Variants in BTBD8 observed in about 807,000 individuals in gnomAD.
BTBD8 encodes BTB/POZ domain-containing protein 8.
BTBD8 carries 110 observed loss-of-function variants against 162.9 expected under a neutral mutation model. That is an observed-to-expected ratio of 0.68 (90% confidence interval 0.58 to 0.79). BTBD8 has a LOEUF of 0.79. Among genes scored for constraint, BTBD8 ranks in the 30% least tolerant of loss-of-function variants. The probability of loss-of-function intolerance (pLI) is 0.00; values close to 1 mark genes in which losing one functional copy is unlikely to be tolerated. For synonymous variants in BTBD8, 667 were observed against 716.1 expected, an observed-to-expected ratio of 0.93 and a Z score of 1.10; for missense variants, 1,905 against 2,085.4, an observed-to-expected ratio of 0.91 and a Z score of 1.68.
intron 13 of BTBD8, among the ~76,000 whole-genome samples, chr1:92,172,786 T>G (rs1650586910): frequency 6.6e-6 from 1 of 152,198 alleles, no homozygotes; most frequent in Admixed American, 6.5e-5. Context: ...GAGGTCAAGC[T>G]CCAAATGTCT....
chr1:92,126,102 GA>G (rs1649351848), intron 4 of BTBD8: 1 of 488,360 alleles, frequency 2.0e-6, no homozygotes, highest in Non-Finnish European at 4.1e-6. Context: ...AGAGTCTCTG[GA>G]TAAGTGAAAG....
chr1:92,116,833 T>A (rs2101915385), intron 4 of BTBD8, among the ~76,000 whole-genome samples: 1 of 151,862 alleles, frequency 6.6e-6, no homozygotes, highest in African/African-American at 2.4e-5. Context: ...TATTAATATG[T>A]TTGAGTGTAA....
At chr1:92,136,893 C>CT (rs1341768823) in intron 5 of BTBD8, among the ~76,000 whole-genome samples, 3 of 152,196 alleles carry the variant, frequency 2.0e-5, no homozygotes, top group Non-Finnish European at 4.4e-5. Context: ...AGCTCAGGGA[C>CT]TGGCTCATAA....
chr1:92,110,270 A>G lies in BTBD8; in HGVS notation c.662+2269A>G, dbSNP rs548593999. On this transcript the variant is annotated intron_variant, in intron 4 of 17. Transcript: ENST00000636805. ...TAAGAGTGTGTGGACTGTGGGGACA[A>G]TCTGCATGCGTTTTAATTCCATGTC... is the stretch of plus-strand genomic sequence containing the variant. Among the ~76,000 whole-genome samples the G allele has an allele frequency of 3.9e-5, 6 of 152,288 alleles. No homozygotes were observed. In the South Asian group the frequency reaches 1.2e-3, roughly 32 times the overall value.
intron 9 of BTBD8, among the ~76,000 whole-genome samples, chr1:92,157,645 G>A (rs1304194950): frequency 6.6e-6 from 1 of 151,796 alleles, no homozygotes; most frequent in Non-Finnish European, 1.5e-5. Context: ...CTACAGGCAT[G>A]TGCCATCATC....
chr1:92,099,673 A>G (rs1231449057), intron 2 of BTBD8, among the ~76,000 whole-genome samples: 1 of 151,910 alleles, frequency 6.6e-6, no homozygotes, highest in Non-Finnish European at 1.5e-5. Flanking sequence ...TTCTAATTTC[A>G]TTTTTGGTTG....
intron 13 of BTBD8, among the ~76,000 whole-genome samples, chr1:92,174,758 G>C (rs568789350): frequency 1.3e-5 from 2 of 152,272 alleles, no homozygotes; most frequent in Admixed American, 1.3e-4. Flanking sequence ...ACAGGCATAA[G>C]CTGAGACCCA....
intron 13 of BTBD8, among the ~76,000 whole-genome samples, chr1:92,171,829 G>A (rs892815593): frequency 6.6e-6 from 1 of 152,144 alleles, no homozygotes; most frequent in African/African-American, 2.4e-5. Context: ...GGTGGCTCAC[G>A]CCTGTAATCC....
intron 1 of BTBD8, among the ~76,000 whole-genome samples, chr1:92,085,540 A>G (rs1475819577): frequency 6.6e-6 from 1 of 151,862 alleles, no homozygotes; most frequent in Non-Finnish European, 1.5e-5. Flanking sequence ...GCACACCTGT[A>G]CTCCCAGCTA....
chr1:92,177,330 A>G lies in BTBD8; in HGVS notation c.2137A>G (p.Thr713Ala), dbSNP rs1193951415. The change falls in exon 14 of 18, where the codon ACA becomes GCA. Residue 713 changes from threonine to alanine, a missense_variant. This residue lies in a region of BTBD8 where 1,374 missense variants were observed against 1,442.7 expected (regional missense o/e 0.95). Transcript: ENST00000636805. Reference sequence around the variant, plus strand: ...CAAAGCAAAGCCTTTGAAGAAAGCTACAGGGAAGGATTCACCATGCCTCAG... The same window carrying G: ...CAAAGCAAAGCCTTTGAAGAAAGCTGCAGGGAAGGATTCACCATGCCTCAG... ...QAKAKPLKKATGKDSPCLSIA... is the reference protein window; with the variant it reads ...QAKAKPLKKAAGKDSPCLSIA... 10 of 1,551,908 alleles carry G rather than the reference A, an allele frequency of 6.4e-6. No individual in the cohort carries two copies. The highest frequency in any genetic ancestry group is 1.2e-5 in the South Asian group (1 of 84,068).
intron 4 of BTBD8, among the ~76,000 whole-genome samples, chr1:92,117,439 A>G (rs191215185): frequency 2.8e-4 from 43 of 151,858 alleles, no homozygotes; most frequent in South Asian, 4.2e-4. Flanking sequence ...GGGTGCATCT[A>G]GGATAGCCTT....
intron 9 of BTBD8, among the ~76,000 whole-genome samples, chr1:92,164,816 C>G (rs1650348884): frequency 6.6e-6 from 1 of 150,928 alleles, no homozygotes; most frequent in African/African-American, 2.4e-5. Flanking sequence ...TGCCCGCCAC[C>G]ACGCCCAGCT....
intron 9 of BTBD8, among the ~76,000 whole-genome samples, chr1:92,159,274 C>G (rs1650233096): frequency 6.6e-6 from 1 of 151,498 alleles, no homozygotes; most frequent in Non-Finnish European, 1.5e-5. Context: ...ATAGGATCAA[C>G]CAATCCTCTT....
chr1:92,133,009 A>C (rs565651768), intron 5 of BTBD8, among the ~76,000 whole-genome samples: 1 of 152,194 alleles, frequency 6.6e-6, no homozygotes, highest in Admixed American at 6.5e-5. Flanking sequence ...GATTGTCTCA[A>C]ATTATTAGCA....
At chr1:92,100,671 A>G (rs1648566849) in intron 2 of BTBD8, among the ~76,000 whole-genome samples, 1 of 151,994 alleles carries the variant, frequency 6.6e-6, no homozygotes, top group Admixed American at 6.6e-5. Flanking sequence ...GTACAGTGGC[A>G]TGATCTCGGC....
intron 9 of BTBD8, among the ~76,000 whole-genome samples, chr1:92,151,217 G>T (rs1204717363): frequency 2.6e-5 from 4 of 152,060 alleles, no homozygotes; most frequent in Non-Finnish European, 2.9e-5. Context: ...AGCTGGGCCT[G>T]GTGGTGCATG....
In BTBD8 at chr1:92,123,734, G is replaced by A. The variant is rs569924; in HGVS notation, c.663-5953G>A. 3.6e-3 allele frequency among the ~76,000 whole-genome samples: 457 copies of A among 127,096 alleles called. 6 individuals are homozygous for A. Among genetic ancestry groups the A allele is most frequent in the African/African-American group, 0.013 (432 of 32,074 alleles). 83.4% of individuals were successfully genotyped at this position (127,096 alleles called of 152,430 possible). ...GGAGCTTGCAGTGAGCCAAGATCGC[G>A]CCACTGCACTCCAGCCTGGGCGACA... On this transcript the variant is annotated intron_variant, in intron 4 of 17. Coordinates refer to ENST00000636805, the MANE Select transcript of BTBD8 (RefSeq NM_001376131.1).
rs773209081 is a variant in BTBD8, at chr1:92,177,303, G to A, written c.2110G>A (p.Ala704Thr). ...KVLTGNLNVQ[A>T]KAKPLKKATG... ...ACTCACAGGAAACTTAAATGTGCAA[G>A]CCAAAGCAAAGCCTTTGAAGAAAGC... Residue 704 changes from alanine to threonine, a missense_variant, in exon 14 of 18, where the codon GCC becomes ACC. Transcript: ENST00000636805. 144 of 1,552,002 alleles carry A rather than the reference G, an allele frequency of 9.3e-5. No homozygotes were observed. Among genetic ancestry groups the A allele is most frequent in the Non-Finnish European group, 1.2e-4 (135 of 1,147,072 alleles).
chr1:92,161,360 A>T (rs1249415722), intron 9 of BTBD8, among the ~76,000 whole-genome samples: 5 of 152,202 alleles, frequency 3.3e-5, no homozygotes, highest in Non-Finnish European at 7.3e-5. Flanking sequence ...TCATCAAGGG[A>T]GATATGAAAG....
Sources: gnomAD v4.1 joint callset for allele counts (sites outside exome capture counted in the v4.1 genomes callset) on GRCh38, gnomAD v4.1.1 for gene constraint, gnomAD v4.1.1 regional missense constraint, MANE v1.5 for transcripts, NCBI Gene and HGNC (gene_info 2026-07-23, HGNC 2026-07-21) for gene names.